Variants in NELL1 observed in about 807,000 individuals in gnomAD.
The protein encoded by NELL1 is neural EGFL like 1, also known as protein kinase C-binding protein NELL1.
NELL1 carries 76 observed loss-of-function variants against 107.4 expected under a neutral mutation model. That is an observed-to-expected ratio of 0.71 (90% CI 0.59 to 0.86). The LOEUF is 0.86. Ranked by LOEUF, NELL1 falls within the 40% of genes least tolerant of loss-of-function variation. The pLI, the probability that NELL1 is intolerant of heterozygous loss-of-function variation, is 0.00. For synonymous variants in NELL1, 353 were observed against 341.2 expected, an observed-to-expected ratio of 1.03 and a Z score of -0.38; for missense variants, 1,024 against 1,005.5, an observed-to-expected ratio of 1.02 and a Z score of -0.25.
chr11:21,267,399 G>A (rs2133930302), intron 14 of NELL1, among the ~76,000 whole-genome samples: 1 of 152,088 alleles, frequency 6.6e-6, no homozygotes, highest in Non-Finnish European at 1.5e-5. Flanking sequence ...GTTCAAAATA[G>A]TTTTTATGTT....
At chr11:21,199,954 T>C (rs1443208586) in intron 13 of NELL1, among the ~76,000 whole-genome samples, 5 of 152,178 alleles carry the variant, frequency 3.3e-5, no homozygotes, top group African/African-American at 1.2e-4. Context: ...GCTTCATCCA[T>C]GTCCCTGCAA....
intron 2 of NELL1, among the ~76,000 whole-genome samples, chr11:20,689,205 T>C (rs1375463119): frequency 6.6e-6 from 1 of 152,096 alleles, no homozygotes; most frequent in African/African-American, 2.4e-5. Flanking sequence ...TTTGCAAATA[T>C]TTTCTCTCAT....
At chr11:21,341,344 G>A (rs189171492) in intron 14 of NELL1, among the ~76,000 whole-genome samples, 1 of 152,286 alleles carries the variant, frequency 6.6e-6, no homozygotes, top group Admixed American at 6.5e-5. Flanking sequence ...TTCTATCTCT[G>A]TGTTTTCCTC....
At chr11:21,046,676 A>ATTT (rs1339248251) in intron 12 of NELL1, among the ~76,000 whole-genome samples, 529 of 133,664 alleles carry the variant, frequency 4.0e-3, no homozygotes, top group Non-Finnish European at 5.3e-3. Context: ...TTATTTACTC[A>ATTT]ATTATTTATT....
intron 2 of NELL1, among the ~76,000 whole-genome samples, chr11:20,699,242 A>C (rs1370647470): frequency 6.6e-6 from 1 of 151,848 alleles, no homozygotes; most frequent in East Asian, 1.9e-4. Context: ...AAACAAAACA[A>C]ACAAAAAAGA....
chr11:21,121,074 T>A lies in NELL1; in HGVS notation c.1426+7360T>A, dbSNP rs558055916. On this transcript the variant is annotated intron_variant, in intron 13 of 19. Transcript: ENST00000357134. ...CCCAGAGATTTTGATTTTTGGCTGT[T>A]CTGGGGTTGGGACCCAGCTTTGGTG... Among the ~76,000 whole-genome samples the A allele has an allele frequency of 3.3e-5, 5 of 152,262 alleles. No individual in the cohort carries two copies. In the East Asian group the frequency reaches 9.7e-4, roughly 29 times the overall value.
At chr11:21,257,694 T>A (rs1014816845) in intron 14 of NELL1, among the ~76,000 whole-genome samples, 9 of 151,912 alleles carry the variant, frequency 5.9e-5, no homozygotes, top group Admixed American at 5.9e-4. Flanking sequence ...ACATTCTTTG[T>A]CAAGAATGTT....
intron 11 of NELL1, among the ~76,000 whole-genome samples, chr11:20,951,651 C>T (rs1196848141): frequency 6.6e-6 from 1 of 152,108 alleles, no homozygotes. Flanking sequence ...GCAGCTGGGA[C>T]ACCCATAGGA....
intron 15 of NELL1, among the ~76,000 whole-genome samples, chr11:21,440,305 T>TAG (rs1554912484): frequency 6.3e-5 from 7 of 110,860 alleles, no homozygotes; most frequent in Admixed American, 2.6e-4. Context: ...CAAAAGTAAG[T>TAG]TTTTTTTTTT....
intron 12 of NELL1, among the ~76,000 whole-genome samples, chr11:20,971,888 A>T (rs1347734454): frequency 2.0e-5 from 3 of 152,168 alleles, no homozygotes; most frequent in Non-Finnish European, 4.4e-5. Flanking sequence ...ACATGGATGA[A>T]GCTGGAAGCC....
chr11:20,934,063 G>A (rs146496104), intron 9 of NELL1, among the ~76,000 whole-genome samples: 174 of 152,128 alleles, frequency 1.1e-3, no homozygotes, highest in African/African-American at 4.0e-3. Flanking sequence ...CCAGCCAAAC[G>A]CACCAGAGCC....
chr11:21,266,044 C>T (rs544761151), intron 14 of NELL1, among the ~76,000 whole-genome samples: 1 of 152,026 alleles, frequency 6.6e-6, no homozygotes, highest in African/African-American at 2.4e-5. Context: ...TCTGCACTTA[C>T]CTGCTACTAG....
chr11:21,348,692 G>A (rs1293583842), intron 14 of NELL1, among the ~76,000 whole-genome samples: 1 of 152,142 alleles, frequency 6.6e-6, no homozygotes, highest in Non-Finnish European at 1.5e-5. Flanking sequence ...ACCAGCAAGG[G>A]GTTGTGGTAG....
chr11:21,011,545 C>T (rs1852446899), intron 12 of NELL1, among the ~76,000 whole-genome samples: 1 of 152,130 alleles, frequency 6.6e-6, no homozygotes, highest in Non-Finnish European at 1.5e-5. Context: ...ATGCAGACTG[C>T]CCTGGGGAGA....
chr11:20,834,791 T>C (rs981215452), intron 3 of NELL1, among the ~76,000 whole-genome samples: 2 of 152,134 alleles, frequency 1.3e-5, no homozygotes, highest in African/African-American at 4.8e-5. Context: ...TGATGCACTT[T>C]CTGAGAAGTG....
intron 15 of NELL1, among the ~76,000 whole-genome samples, chr11:21,403,117 A>G (rs1261128823): frequency 6.6e-6 from 1 of 151,750 alleles, no homozygotes; most frequent in Non-Finnish European, 1.5e-5. Flanking sequence ...TGTACAGGAA[A>G]AGCCACATAC....
chr11:20,758,070 T>C (rs779450211), intron 2 of NELL1, among the ~76,000 whole-genome samples: 2 of 152,158 alleles, frequency 1.3e-5, no homozygotes, highest in Non-Finnish European at 2.9e-5. Flanking sequence ...AGGGCACTTA[T>C]TCCATCACGA....
intron 9 of NELL1, among the ~76,000 whole-genome samples, chr11:20,935,108 G>T (rs1182401301): frequency 6.6e-6 from 1 of 152,116 alleles, no homozygotes; most frequent in Non-Finnish European, 1.5e-5. Flanking sequence ...AAGGCATGGG[G>T]CTTTGGGCTG....
At chr11:21,528,160 G>C (rs150121261) in intron 15 of NELL1, among the ~76,000 whole-genome samples, 2 of 152,156 alleles carry the variant, frequency 1.3e-5, no homozygotes, top group Non-Finnish European at 2.9e-5. Flanking sequence ...GTTACAGAAC[G>C]ATAAATATCA....
Sources: allele counts gnomAD v4.1 joint callset (sites outside exome capture counted in the v4.1 genomes callset), GRCh38; gene constraint gnomAD v4.1.1; transcripts MANE v1.5; gene names NCBI Gene and HGNC (gene_info 2026-07-23, HGNC 2026-07-21).